Variants in GTF2IRD1 observed in about 807,000 individuals in gnomAD.
GTF2IRD1 encodes general transcription factor II-I repeat domain-containing protein 1.
GTF2IRD1 carries 26 observed loss-of-function variants against 113.2 expected under a neutral mutation model. The observed-to-expected ratio is 0.23, with a 90% CI of 0.17 to 0.32. The LOEUF (loss-of-function observed/expected upper bound fraction) is 0.32. GTF2IRD1 is among the 10% of genes least tolerant of loss of function. The pLI is 1.00. For synonymous variants in GTF2IRD1, 484 were observed against 529.1 expected, an observed-to-expected ratio of 0.91 and a Z score of 1.17; for missense variants, 864 against 1,280.8, an observed-to-expected ratio of 0.67 and a Z score of 4.97.
At chr7:74,489,435 T>C (rs1808235) in intron 1 of GTF2IRD1, among the ~76,000 whole-genome samples, 99,713 of 151,386 alleles carry the variant, frequency 0.66, 33,153 homozygotes, top group Admixed American at 0.75. Context: ...CTCCGCCTCC[T>C]GGGTTCAAGC....
At chr7:74,535,198 G>A (rs1021129227) in intron 10 of GTF2IRD1, 60 bp downstream of exon 10, 5 of 1,358,878 alleles carry the variant, frequency 3.7e-6, no homozygotes, top group East Asian at 2.3e-5. Flanking sequence ...AACAGAACCC[G>A]AGCTGCCACC....
chr7:74,568,420 G>A (rs587674271), intron 22 of GTF2IRD1, among the ~76,000 whole-genome samples: 3 of 151,416 alleles, frequency 2.0e-5, no homozygotes, highest in Admixed American at 6.6e-5. Flanking sequence ...AGGCCCAGGC[G>A]GGCAGATCAC....
intron 24 of GTF2IRD1, among the ~76,000 whole-genome samples, chr7:74,592,812 C>G (rs1374988701): frequency 2.6e-5 from 4 of 152,082 alleles, no homozygotes; most frequent in Admixed American, 6.6e-5. Flanking sequence ...GGATTACAAG[C>G]TTGAGCCACC....
chr7:74,499,400 A>AGGGAAGGAAGGAAGGAAGGG (rs1562805532), intron 1 of GTF2IRD1, among the ~76,000 whole-genome samples: 1 of 150,396 alleles, frequency 6.6e-6, no homozygotes, highest in Non-Finnish European at 1.5e-5. Flanking sequence ...GGAAGGGAGG[A>AGGGAAGGAAGGAAGGAAGGG]AGGGAAGGAA....
In GTF2IRD1 at chr7:74,581,466, G is replaced by A. The variant is rs112944775; in HGVS notation, c.2321-8385G>A. Among the ~76,000 whole-genome samples, 885 of 152,328 alleles carry A rather than the reference G, an allele frequency of 5.8e-3. 4 individuals are homozygous for A. The highest frequency in any genetic ancestry group is 7.4e-3 in the Non-Finnish European group (506 of 68,032). On this transcript the variant is annotated intron_variant, in intron 22 of 26. Transcript: ENST00000424337. ...TGTGACCCTGGCCTTGAAGGGCCCG[G>A]TATTGCTCCTGCCCCTGCAGTGTCC...
rs587621541 is a variant in GTF2IRD1 at position 74,552,681 on chromosome 7, A to G, written c.1917-2493A>G. ...CTTTCTATGCCTATTCCCTCAAACC[A>G]TAAACTAGGGGCACCCGGGCAGCTT... On this transcript the variant is annotated intron_variant, in intron 17 of 26. Coordinates refer to ENST00000424337, the MANE Select transcript of GTF2IRD1 (RefSeq NM_005685.4). 7.9e-4 allele frequency among the ~76,000 whole-genome samples: 121 copies of G among 152,320 alleles called. 2 individuals are homozygous for G. The highest frequency in any genetic ancestry group is 2.2e-3 in the Admixed American group (33 of 15,284).
chr7:74,585,054 G>A (rs1161117545), intron 22 of GTF2IRD1, among the ~76,000 whole-genome samples: 2 of 151,298 alleles, frequency 1.3e-5, no homozygotes, highest in African/African-American at 4.9e-5. Context: ...CACCCACCTC[G>A]GCCTCCCAAA....
chr7:74,557,552 C>T (rs1554357411), intron 19 of GTF2IRD1, 87 bp from the exon 20 acceptor site: 8 of 845,618 alleles, frequency 9.5e-6, no homozygotes, highest in African/African-American at 1.7e-5. Context: ...AAGGAGTTCC[C>T]CATAATTAGA....
chr7:74,523,983 G>T, intron 7 of GTF2IRD1, 88 bp from the exon 8 acceptor site: 1 of 894,470 alleles, frequency 1.1e-6, no homozygotes, highest in Non-Finnish European at 1.8e-6. Context: ...GGGGGCTCTG[G>T]GGGTGAAAGC....
intron 25 of GTF2IRD1, among the ~76,000 whole-genome samples, chr7:74,600,726 G>C (rs1306006655): frequency 1.3e-5 from 2 of 152,114 alleles, no homozygotes; most frequent in African/African-American, 4.8e-5. Flanking sequence ...ACCAGAAAGA[G>C]AGAGGACCTA....
intron 22 of GTF2IRD1, among the ~76,000 whole-genome samples, chr7:74,572,820 A>C (rs587611294): frequency 1.3e-5 from 2 of 152,116 alleles, no homozygotes; most frequent in East Asian, 3.9e-4. Context: ...TGTCTTTGTT[A>C]ATTAGGGTTC....
intron 5 of GTF2IRD1, 93 bp downstream of exon 5, chr7:74,518,415 G>A: frequency 1.0e-6 from 1 of 985,406 alleles, no homozygotes; most frequent in South Asian, 1.8e-5. Flanking sequence ...GAGGGGAAGG[G>A]ACTTGAGATG....
intron 1 of GTF2IRD1, among the ~76,000 whole-genome samples, chr7:74,498,028 T>C (rs1283908431): frequency 6.6e-6 from 1 of 151,964 alleles, no homozygotes; most frequent in African/African-American, 2.4e-5. Context: ...ATAGTAGGTA[T>C]CCTGGTGGGT....
chr7:74,496,116 A>ATGTG (rs564184187), intron 1 of GTF2IRD1, among the ~76,000 whole-genome samples: 4 of 151,312 alleles, frequency 2.6e-5, no homozygotes, highest in Admixed American at 6.6e-5. Flanking sequence ...GTGTGTATGC[A>ATGTG]TGTGTGAGTG....
At chr7:74,475,814 C>T (rs569474803) in intron 1 of GTF2IRD1, among the ~76,000 whole-genome samples, 97 of 152,324 alleles carry the variant, frequency 6.4e-4, no homozygotes, top group Non-Finnish European at 1.2e-3. Context: ...ACGTGAGCCA[C>T]CCGTCTGATG....
At chr7:74,574,240 G>T (rs1800869919) in intron 22 of GTF2IRD1, among the ~76,000 whole-genome samples, 1 of 146,778 alleles carries the variant, frequency 6.8e-6, no homozygotes, top group African/African-American at 2.5e-5. Context: ...GACCTCAGGT[G>T]ATCCACCTGC....
chr7:74,509,664 T>C (rs1796511167), intron 2 of GTF2IRD1, among the ~76,000 whole-genome samples: 1 of 151,630 alleles, frequency 6.6e-6, no homozygotes, highest in African/African-American at 2.4e-5. Flanking sequence ...ATGACCAGTT[T>C]TGTTTTGTTT....
intron 22 of GTF2IRD1, among the ~76,000 whole-genome samples, chr7:74,576,826 G>T (rs1373631810): frequency 2.0e-5 from 3 of 151,368 alleles, no homozygotes; most frequent in South Asian, 2.1e-4. Flanking sequence ...TCACCATGTT[G>T]CCCAGGCTGG....
chr7:74,589,968 T>TC (rs782606085), intron 23 of GTF2IRD1, 40 bp downstream of exon 23: 10 of 1,347,318 alleles, frequency 7.4e-6, no homozygotes, highest in Non-Finnish European at 1.1e-5. Flanking sequence ...CAAGCCCTCC[T>TC]CCCGGGGGTG....
Sources: gnomAD v4.1 joint callset for allele counts (sites outside exome capture counted in the v4.1 genomes callset) on GRCh38, gnomAD v4.1.1 for gene constraint, MANE v1.5 for transcripts, NCBI Gene and HGNC (gene_info 2026-07-23, HGNC 2026-07-21) for gene names.